GIMAP8: variants seen among roughly 807,000 people sequenced by gnomAD.
The protein encoded by GIMAP8 is GTPase IMAP family member 8.
GIMAP8 carries 29 observed loss-of-function variants against 35.6 expected under a neutral mutation model. The observed-to-expected ratio is 0.81, with a 90% CI of 0.61 to 1.11. The LOEUF is 1.11. Ranked by LOEUF, GIMAP8 falls within the 50% of genes most tolerant of loss-of-function variation. The probability of loss-of-function intolerance (pLI) is 0.00; values close to 1 mark genes in which losing one functional copy is unlikely to be tolerated. For synonymous variants in GIMAP8, 335 were observed against 308.7 expected (o/e 1.09, Z -0.89); for missense variants, 811 against 805.0 (o/e 1.01, Z -0.09).
At chr7:150,470,947 C>A in intron 3 of GIMAP8, 73 bp downstream of exon 3, 1 of 1,139,938 alleles carries the variant, frequency 8.8e-7, no homozygotes, top group African/African-American at 1.6e-5. Flanking sequence ...CAAAGTGAAG[C>A]GGAAACATTA....
rs1288663594 is a variant in GIMAP8 at position 150,466,987 on chromosome 7, C to T, written c.289C>T (p.Leu97=). The T allele has an allele frequency of 1.2e-6, 2 of 1,614,236 alleles. No homozygotes were observed. The highest frequency in any genetic ancestry group is 1.1e-5 in the South Asian group (1 of 91,088). The change falls in exon 2 of 5, where the codon CTG becomes TTG. Residue 97 remains leucine, a synonymous_variant. Coordinates refer to ENST00000307271, the MANE Select transcript of GIMAP8 (RefSeq NM_175571.4). ...GCTCTCTGCTCCCAGCCTCCATGCT[C>T]TGCTCTTGGTAATTGCCATCGGCCA... The part of the protein sequence containing the change: ...LELSAPSLHA[L]LLVIAIGHFT...
rs1802237743 is a variant in GIMAP8, at chr7:150,476,776, G to GCC, written c.1310-315_1310-314dup. On this transcript the variant is annotated intron_variant, in intron 4 of 4. Transcript: ENST00000307271. Reference sequence around the variant, plus strand: ...AGAAGGCCAGGGGACACTCACAGGTGCCAGGGAGTCTGTCTGGAAGGTGCT... The same window carrying GCC: ...AGAAGGCCAGGGGACACTCACAGGTGCCCCAGGGAGTCTGTCTGGAAGGTGCT... Among the ~76,000 whole-genome samples, 4 of 152,186 alleles carry GCC rather than the reference G, an allele frequency of 2.6e-5. No individual in the cohort carries two copies. In the South Asian group the frequency reaches 8.3e-4, roughly 32 times the overall value.
rs1801981005 is a variant in GIMAP8, at chr7:150,467,088, T to C, written c.390T>C (p.Ile130=). The change falls in exon 2 of 5, where the codon ATT becomes ATC. Residue 130 remains isoleucine (I), a synonymous_variant. Transcript: ENST00000307271. ...GAGCTGAAGCCAGGAGGCACATCAT[T>C]ATTGTCTTCACTCGGAAGGATGATT... ...VFGAEARRHI[I]IVFTRKDDLG... 6.2e-7 allele frequency: 1 copy of C among 1,614,126 alleles called. No homozygotes were observed. The highest frequency in any genetic ancestry group is 1.3e-5 in the African/African-American group (1 of 75,008).
chr7:150,460,847 T>C (rs1264667469), intron 1 of GIMAP8, among the ~76,000 whole-genome samples: 2 of 152,244 alleles, frequency 1.3e-5, no homozygotes, highest in African/African-American at 4.8e-5. Context: ...ATGGAGTCCT[T>C]CCGTGCACAC....
At position 150,468,496 on chromosome 7, in the gene GIMAP8, G is replaced by A. The variant is rs113996112; in HGVS notation, c.636+1162G>A. 6.8e-3 allele frequency among the ~76,000 whole-genome samples: 1,031 copies of A among 152,234 alleles called. 12 individuals are homozygous for A. The highest frequency in any genetic ancestry group is 0.023 in the African/African-American group (974 of 41,522). Reference sequence around the variant, plus strand: ...AGCAGGCACACACTGAGCCTGATGCGTAACATCAGTTACGCATGTCCGTAC... The same window carrying A: ...AGCAGGCACACACTGAGCCTGATGCATAACATCAGTTACGCATGTCCGTAC... On this transcript the variant is annotated intron_variant, in intron 2 of 4. Transcript: ENST00000307271.
At position 150,451,638 on chromosome 7, in the gene GIMAP8, T is replaced by G. The variant is rs758263309; in HGVS notation, c.-29+463T>G. ...CGGAAGCAGCCGGTCAGATGCCCCA[T>G]GAAGCTAGATGGTGCCGCAGAGCAG... On this transcript the variant is annotated intron_variant, in intron 1 of 4. Coordinates refer to ENST00000307271, the MANE Select transcript of GIMAP8 (RefSeq NM_175571.4). This position sits in a 1 kb window ranked among gnomAD's most constrained non-coding sequence, Gnocchi z 4.1. Among the ~76,000 whole-genome samples the G allele has an allele frequency of 6.6e-5, 10 of 152,044 alleles. No homozygotes were observed. Among genetic ancestry groups the G allele is most frequent in the Non-Finnish European group, 2.9e-5 (2 of 67,994 alleles).
rs1802171110 is a variant in GIMAP8 at position 150,474,294 on chromosome 7, C to T, written c.965C>T (p.Thr322Ile). ...TCAGAAGTTAGAAAACACATCTGTA[C>T]AGGCCCCCATGCCTTCCTGCTGGTG... ...IDSEVRKHIC[T>I]GPHAFLLVTP... Residue 322 changes from threonine to isoleucine, a missense_variant, in exon 4 of 5, where the codon ACA becomes ATA. Coordinates refer to ENST00000307271, the MANE Select transcript of GIMAP8 (RefSeq NM_175571.4). The T allele has an allele frequency of 1.2e-6, 2 of 1,614,150 alleles. No individual in the cohort carries two copies. The highest frequency in any genetic ancestry group is 8.5e-7 in the Non-Finnish European group (1 of 1,179,980).
chr7:150,467,391 AAGTGG>A, intron 2 of GIMAP8, 57 bp downstream of exon 2: 1 of 1,364,258 alleles, frequency 7.3e-7, no homozygotes, highest in Admixed American at 2.0e-5. Context: ...AGTGGGATGA[AAGTGG>A]GTATAAATAA....
Position 150,467,085 on chromosome 7 carries a change from CATT to C in GIMAP8, c.391_393del (p.Ile131del). On this transcript the variant is annotated inframe_deletion, in exon 2 of 5. Coordinates refer to ENST00000307271, the MANE Select transcript of GIMAP8 (RefSeq NM_175571.4). ...TTGGAGCTGAAGCCAGGAGGCACAT[CATT>C]ATTGTCTTCACTCGGAAGGATGATT... 2 of 1,614,172 alleles carry C rather than the reference CATT, an allele frequency of 1.2e-6. No individual in the cohort carries two copies. The highest frequency in any genetic ancestry group is 1.7e-6 in the Non-Finnish European group (2 of 1,180,030).
chr7:150,462,489 T>C (rs1386916967), intron 1 of GIMAP8, among the ~76,000 whole-genome samples: 2 of 152,220 alleles, frequency 1.3e-5, no homozygotes, highest in African/African-American at 4.8e-5. Context: ...CACTTTCACA[T>C]GTAGGACCCC....
At chr7:150,456,620 T>G (rs1222595894) in intron 1 of GIMAP8, among the ~76,000 whole-genome samples, 1 of 152,188 alleles carries the variant, frequency 6.6e-6, no homozygotes, top group African/African-American at 2.4e-5. Context: ...CCATGTAAAG[T>G]AACACAGCCA....
chr7:150,477,608 C>G lies in GIMAP8; in HGVS notation c.1826C>G (p.Ala609Gly), dbSNP rs1443843856. 7 of 1,613,994 alleles carry G rather than the reference C, an allele frequency of 4.3e-6. No individual in the cohort carries two copies. Among genetic ancestry groups the G allele is most frequent in the Non-Finnish European group, 5.9e-6 (7 of 1,180,034 alleles). Reference protein sequence around the residue: ...CAFNNKETGQAQETQVKALLT... With the variant: ...CAFNNKETGQGQETQVKALLT... ...TTTAACAACAAAGAAACAGGCCAGG[C>G]CCAGGAAACCCAGGTGAAAGCTCTT... The change falls in exon 5 of 5, where the codon GCC becomes GGC. Residue 609 changes from alanine (A) to glycine (G), a missense_variant. Coordinates refer to ENST00000307271, the MANE Select transcript of GIMAP8 (RefSeq NM_175571.4).
chr7:150,461,760 A>C (rs374681890), intron 1 of GIMAP8, among the ~76,000 whole-genome samples: 1 of 152,034 alleles, frequency 6.6e-6, no homozygotes, highest in African/African-American at 2.4e-5. Flanking sequence ...TTTTGCTTTA[A>C]ATTGGTGAAT....
Position 150,474,504 on chromosome 7 carries a change from G to A in GIMAP8, c.1175G>A (p.Cys392Tyr). Residue 392 changes from cysteine to tyrosine, a missense_variant, in exon 4 of 5, where the codon TGT becomes TAT. Cys to Tyr is a radical substitution (Grantham distance 194). Coordinates refer to ENST00000307271, the MANE Select transcript of GIMAP8 (RefSeq NM_175571.4). ...NKALYGLIQK[C>Y]KNRYSAFNYR... ...GCTCTCTATGGTCTCATCCAGAAGT[G>A]TAAAAACAGATATAGTGCCTTCAAC... 1 of 1,613,594 alleles carries A rather than the reference G, an allele frequency of 6.2e-7. No individual in the cohort carries two copies.
intron 3 of GIMAP8, among the ~76,000 whole-genome samples, chr7:150,471,183 C>T (rs1007367763): frequency 1.3e-5 from 2 of 152,206 alleles, no homozygotes; most frequent in African/African-American, 4.8e-5. Flanking sequence ...TCCGGCCCTG[C>T]CCAAGTTTTG....
intron 1 of GIMAP8, among the ~76,000 whole-genome samples, chr7:150,462,138 T>TG (rs1400598621): frequency 1.3e-5 from 2 of 151,804 alleles, no homozygotes; most frequent in East Asian, 3.9e-4. Context: ...TTCTTAAGGG[T>TG]GGGGGAGATA....
intron 3 of GIMAP8, 116 bp downstream of exon 3, chr7:150,470,990 C>A: frequency 1.3e-6 from 1 of 790,262 alleles, no homozygotes; most frequent in Non-Finnish European, 2.1e-6. Context: ...CCCTGGGGAC[C>A]TAGCTGAGGT....
rs111494335 is a variant in GIMAP8, at chr7:150,477,065, C to T, written c.1310-27C>T. On this transcript the variant is annotated intron_variant, in intron 4 of 4. Coordinates refer to ENST00000307271, the MANE Select transcript of GIMAP8 (RefSeq NM_175571.4). The stretch of plus-strand genomic sequence containing the variant: ...CCAATTTCAGATCAGCCCATGGTCA[C>T]GAATCTTTCCCACTTTCCTTTGACA... The T allele has an allele frequency of 1.4e-4, 222 of 1,568,920 alleles. No individual in the cohort carries two copies. In the African/African-American group the frequency reaches 2.3e-3, roughly 16 times the overall value.
intron 1 of GIMAP8, among the ~76,000 whole-genome samples, chr7:150,459,438 T>C (rs182941433): frequency 6.6e-6 from 1 of 152,274 alleles, no homozygotes; most frequent in East Asian, 1.9e-4. Flanking sequence ...ACCTTGAGGA[T>C]GCGAAGTAAA....
Sources: gnomAD v4.1 joint callset for allele counts (sites outside exome capture counted in the v4.1 genomes callset) on GRCh38, gnomAD v4.1.1 for gene constraint, Gnocchi (gnomAD v3.1) non-coding constraint, MANE v1.5 for transcripts, NCBI Gene and HGNC (gene_info 2026-07-23, HGNC 2026-07-21) for gene names.